The following CDH20 variants were observed in gnomAD, a reference collection of about 807,000 sequenced individuals.
CDH20 encodes cadherin 20.
In CDH20, 29 loss-of-function variants were observed where a neutral mutation model predicts 74.2. That is an observed-to-expected ratio of 0.39 (90% CI 0.29 to 0.53). CDH20 has a LOEUF of 0.53. Among genes scored for constraint, CDH20 ranks in the 20% least tolerant of loss-of-function variants. CDH20 has a pLI of 0.69. For synonymous variants in CDH20, 469 were observed against 405.4 expected (o/e 1.16, Z -1.88); for missense variants, 988 against 1,048.3 (o/e 0.94, Z 0.79).
intron 7 of CDH20, among the ~76,000 whole-genome samples, chr18:61,532,688 T>A (rs1489738982): frequency 6.6e-6 from 1 of 152,144 alleles, no homozygotes; most frequent in Non-Finnish European, 1.5e-5. Context: ...ACCCACCAAA[T>A]TGATTTCACA....
At chr18:61,554,116 C>T (rs1386171601) in intron 11 of CDH20, 74 bp from the exon 12 acceptor site, 1 of 1,532,538 alleles carries the variant, frequency 6.5e-7, no homozygotes, top group Non-Finnish European at 8.9e-7. Flanking sequence ...CGTGGTGAAT[C>T]AAGACTACTT....
intron 1 of CDH20, among the ~76,000 whole-genome samples, chr18:61,423,958 C>T (rs2144279412): frequency 6.6e-6 from 1 of 152,216 alleles, no homozygotes; most frequent in African/African-American, 2.4e-5. Flanking sequence ...TTTATCTTCC[C>T]TCATTCTCTG....
At chr18:61,472,484 G>T (rs1910217241) in intron 1 of CDH20, among the ~76,000 whole-genome samples, 1 of 152,076 alleles carries the variant, frequency 6.6e-6, no homozygotes, top group Non-Finnish European at 1.5e-5. Context: ...GGAGCTGGCA[G>T]CAGGAAGGGA....
At chr18:61,371,690 G>A (rs1434692378) in intron 1 of CDH20, among the ~76,000 whole-genome samples, 1 of 152,030 alleles carries the variant, frequency 6.6e-6, no homozygotes, top group Non-Finnish European at 1.5e-5. Context: ...CAAAAGAAAA[G>A]TAGCTCATTA....
chr18:61,513,774 G>A (rs1911874730), intron 6 of CDH20, among the ~76,000 whole-genome samples: 1 of 152,118 alleles, frequency 6.6e-6, no homozygotes, highest in Non-Finnish European at 1.5e-5. Context: ...AGTTTGGCTG[G>A]ATATGAAATT....
At chr18:61,457,870 T>C (rs567547386) in intron 1 of CDH20, among the ~76,000 whole-genome samples, 73 of 152,308 alleles carry the variant, frequency 4.8e-4, no homozygotes, top group African/African-American at 1.7e-3. Flanking sequence ...TGTGTCCCAG[T>C]TGACCTCACA....
At chr18:61,374,566 G>A (rs1911150231) in intron 1 of CDH20, among the ~76,000 whole-genome samples, 1 of 152,058 alleles carries the variant, frequency 6.6e-6, no homozygotes, top group African/African-American at 2.4e-5. Context: ...AAAACATTAG[G>A]ATGAGATCGA....
chr18:61,550,356 G>A (rs1373428282), intron 11 of CDH20, 127 bp downstream of exon 11: 3 of 1,151,380 alleles, frequency 2.6e-6, no homozygotes, highest in African/African-American at 3.1e-5. Flanking sequence ...AAAGGTGGTA[G>A]AGTGAGGCTG....
intron 1 of CDH20, among the ~76,000 whole-genome samples, chr18:61,479,007 G>C (rs879936992): frequency 6.6e-6 from 1 of 151,876 alleles, no homozygotes; most frequent in Non-Finnish European, 1.5e-5. Context: ...TAACATGTAA[G>C]TGTGTACACT....
chr18:61,390,902 G>A (rs1224074519), intron 1 of CDH20, among the ~76,000 whole-genome samples: 1 of 152,088 alleles, frequency 6.6e-6, no homozygotes, highest in African/African-American at 2.4e-5. Context: ...TCTAGGCTTG[G>A]AGTGAGGAAG....
intron 1 of CDH20, among the ~76,000 whole-genome samples, chr18:61,488,081 C>CATATATATATATATATATATAT (rs71178973): frequency 1.3e-5 from 2 of 148,796 alleles, no homozygotes; most frequent in East Asian, 2.0e-4. Flanking sequence ...TACGTACATA[C>CATATATATATATATATATATAT]ATATATATAT....
intron 6 of CDH20, among the ~76,000 whole-genome samples, chr18:61,512,820 A>T (rs1021082411): frequency 6.6e-6 from 1 of 152,026 alleles, no homozygotes; most frequent in African/African-American, 2.4e-5. Flanking sequence ...GTTTTGAGTG[A>T]GATTCTTAAT....
At chr18:61,515,232 C>T (rs1024634449) in intron 6 of CDH20, among the ~76,000 whole-genome samples, 4 of 152,116 alleles carry the variant, frequency 2.6e-5, no homozygotes, top group African/African-American at 7.2e-5. Context: ...GTCGGAAAAG[C>T]GCAATATTCG....
chr18:61,396,687 G>A (rs1911991466), intron 1 of CDH20, among the ~76,000 whole-genome samples: 1 of 152,202 alleles, frequency 6.6e-6, no homozygotes, highest in Non-Finnish European at 1.5e-5. Flanking sequence ...AAGCAGGTAG[G>A]AACTTCAGTC....
intron 1 of CDH20, among the ~76,000 whole-genome samples, chr18:61,413,749 G>T (rs920681622): frequency 5.9e-5 from 9 of 151,960 alleles, no homozygotes; most frequent in Admixed American, 5.2e-4. Context: ...TCCCTGCAAT[G>T]AATGGAGTAC....
At chr18:61,440,370 A>G (rs1908988132) in intron 1 of CDH20, among the ~76,000 whole-genome samples, 1 of 152,212 alleles carries the variant, frequency 6.6e-6, no homozygotes, top group Admixed American at 6.6e-5. Flanking sequence ...GCTAACCTCA[A>G]CGCTATCAGA....
chr18:61,554,611 C>CCT lies in CDH20; in HGVS notation c.2322_2323insCT (p.Asp775LeufsTer4). ...CCACGTCGGACTCGGAACAGAGCTT[C>CCT]GACTTCCTGACGGACTGGGGGCCCC... On this transcript the variant is annotated frameshift_variant, in exon 12 of 12. Coordinates refer to ENST00000262717, the MANE Select transcript of CDH20 (RefSeq NM_031891.4). LOFTEE classifies it high-confidence loss of function. 4 of 1,607,976 alleles carry CCT rather than the reference C, an allele frequency of 2.5e-6. No homozygotes were observed. The highest frequency in any genetic ancestry group is 3.4e-6 in the Non-Finnish European group (4 of 1,178,088).
At chr18:61,412,850 A>G (rs913926021) in intron 1 of CDH20, among the ~76,000 whole-genome samples, 4 of 152,202 alleles carry the variant, frequency 2.6e-5, no homozygotes, top group African/African-American at 9.6e-5. Flanking sequence ...TGCAACATAC[A>G]TACTCCAAGG....
At chr18:61,435,151 A>G (rs554637540) in intron 1 of CDH20, among the ~76,000 whole-genome samples, 16 of 152,228 alleles carry the variant, frequency 1.1e-4, no homozygotes, top group African/African-American at 2.9e-4. Flanking sequence ...AGAAAATTTC[A>G]GGGGAAAAAG....
Sources: allele counts gnomAD v4.1 joint callset (sites outside exome capture counted in the v4.1 genomes callset), GRCh38; gene constraint gnomAD v4.1.1; transcripts MANE v1.5; gene names NCBI Gene and HGNC (gene_info 2026-07-23, HGNC 2026-07-21).